The following CRPPA variants were observed in gnomAD, a reference collection of about 807,000 sequenced individuals.
CRPPA encodes the protein D-ribitol-5-phosphate cytidylyltransferase.
A neutral mutation model predicts 52.0 loss-of-function variants in CRPPA; 43 were observed. That is an observed-to-expected ratio of 0.83 (90% CI 0.65 to 1.07). CRPPA has a LOEUF of 1.07. Ranked by LOEUF, CRPPA falls within the 50% of genes least tolerant of loss-of-function variation. The probability of loss-of-function intolerance (pLI) is 0.00; values close to 1 mark genes in which losing one functional copy is unlikely to be tolerated. For synonymous variants in CRPPA, 250 were observed against 203.5 expected (o/e 1.23, Z -1.94); for missense variants, 629 against 551.7 (o/e 1.14, Z -1.40).
intron 3 of CRPPA, among the ~76,000 whole-genome samples, chr7:16,371,586 G>A (rs186711917): frequency 1.2e-3 from 186 of 151,522 alleles, no homozygotes; most frequent in Non-Finnish European, 2.4e-3. Context: ...AGAACAATTT[G>A]AAGAAATAGT....
chr7:16,343,136 C>G (rs1472905149), intron 3 of CRPPA, among the ~76,000 whole-genome samples: 1 of 151,922 alleles, frequency 6.6e-6, no homozygotes, highest in Admixed American at 6.6e-5. Context: ...GCAGAAATGG[C>G]TTAGTAAGCA....
intron 8 of CRPPA, among the ~76,000 whole-genome samples, chr7:16,236,950 GCA>G (rs67679435): frequency 1.1e-3 from 169 of 149,594 alleles, no homozygotes; most frequent in Non-Finnish European, 1.4e-3. Context: ...TCGTGCGCGC[GCA>G]CACACACACA....
chr7:16,373,432 A>G (rs1202485005), intron 3 of CRPPA, among the ~76,000 whole-genome samples: 3 of 152,246 alleles, frequency 2.0e-5, no homozygotes, highest in Non-Finnish European at 2.9e-5. Context: ...GAACAAATAT[A>G]TACTTGGTGT....
At chr7:16,249,399 C>T (rs1783376194) in intron 8 of CRPPA, among the ~76,000 whole-genome samples, 1 of 152,186 alleles carries the variant, frequency 6.6e-6, no homozygotes, top group Admixed American at 6.5e-5. Context: ...ACTGCCTGCT[C>T]AAGTGGGTCC....
At chr7:16,412,444 A>G (rs1267346292) in intron 1 of CRPPA, among the ~76,000 whole-genome samples, 1 of 152,202 alleles carries the variant, frequency 6.6e-6, no homozygotes, top group South Asian at 2.1e-4. Flanking sequence ...ACAGGTCAAA[A>G]AAAAGTTTGG....
At chr7:16,328,916 C>T (rs1207451296) in intron 3 of CRPPA, among the ~76,000 whole-genome samples, 6 of 152,108 alleles carry the variant, frequency 3.9e-5, no homozygotes, top group Non-Finnish European at 8.8e-5. Flanking sequence ...TATCAAATAA[C>T]AGCACACAGT....
At chr7:16,397,179 A>G (rs1787611299) in intron 2 of CRPPA, among the ~76,000 whole-genome samples, 1 of 152,270 alleles carries the variant, frequency 6.6e-6, no homozygotes, top group African/African-American at 2.4e-5. Flanking sequence ...GACACGACAC[A>G]TTATCAAAAC....
intron 9 of CRPPA, among the ~76,000 whole-genome samples, chr7:16,103,731 A>T (rs1209879524): frequency 1.3e-5 from 2 of 152,250 alleles, no homozygotes; most frequent in African/African-American, 4.8e-5. Flanking sequence ...CATAAATAGA[A>T]AGCTATATAC....
intron 3 of CRPPA, among the ~76,000 whole-genome samples, chr7:16,333,750 C>A (rs1379906039): frequency 6.6e-6 from 1 of 152,130 alleles, no homozygotes; most frequent in Admixed American, 6.5e-5. Context: ...GCTTCTCCCC[C>A]AATTTCACAA....
At chr7:16,286,097 A>AAAAAAAAATATATATATATATAT in intron 5 of CRPPA, among the ~76,000 whole-genome samples, 6 of 39,118 alleles carry the variant, frequency 1.5e-4, no homozygotes, top group Non-Finnish European at 1.2e-4. Flanking sequence ...TAAAAAAAAA[A>AAAAAAAAATATATATATATATAT]ATATATATAT....
intron 5 of CRPPA, among the ~76,000 whole-genome samples, chr7:16,290,273 T>A (rs948976368): frequency 2.6e-5 from 4 of 151,592 alleles, no homozygotes; most frequent in African/African-American, 9.7e-5. Flanking sequence ...ACCAATGATA[T>A]CCTTCACAGA....
chr7:16,309,630 C>T (rs945697310), intron 3 of CRPPA, among the ~76,000 whole-genome samples: 9 of 151,434 alleles, frequency 5.9e-5, no homozygotes, highest in Non-Finnish European at 1.3e-4. Context: ...TTTTTTGAGA[C>T]AGAGTTCTTG....
chr7:16,120,038 T>C (rs1481513951), intron 9 of CRPPA, among the ~76,000 whole-genome samples: 1 of 152,182 alleles, frequency 6.6e-6, no homozygotes, highest in Non-Finnish European at 1.5e-5. Flanking sequence ...AACAGACACA[T>C]TTTATAGAAA....
At chr7:16,359,338 T>C (rs1030156133) in intron 3 of CRPPA, among the ~76,000 whole-genome samples, 1 of 152,230 alleles carries the variant, frequency 6.6e-6, no homozygotes, top group Non-Finnish European at 1.5e-5. Flanking sequence ...GCATCATTAC[T>C]AGTACACATG....
intron 9 of CRPPA, among the ~76,000 whole-genome samples, chr7:16,141,927 A>G (rs1290766129): frequency 6.6e-6 from 1 of 152,154 alleles, no homozygotes; most frequent in Non-Finnish European, 1.5e-5. Flanking sequence ...ACACTGTCAT[A>G]GATGGCCCAC....
chr7:16,287,201 T>C (rs1369394526), intron 5 of CRPPA, among the ~76,000 whole-genome samples: 1 of 152,206 alleles, frequency 6.6e-6, no homozygotes, highest in Non-Finnish European at 1.5e-5. Context: ...GGCATAAAAT[T>C]GTCAACTTTA....
At chr7:16,213,729 A>G (rs932015694) in intron 9 of CRPPA, among the ~76,000 whole-genome samples, 2 of 150,008 alleles carry the variant, frequency 1.3e-5, no homozygotes, top group African/African-American at 2.5e-5. Flanking sequence ...AGCCTGGGCA[A>G]CAAGAGAAAA....
At chr7:16,217,821 T>C (rs1363735090) in intron 8 of CRPPA, among the ~76,000 whole-genome samples, 3 of 151,828 alleles carry the variant, frequency 2.0e-5, no homozygotes, top group Admixed American at 1.3e-4. Flanking sequence ...CTGATTGGTG[T>C]ACCTGAAAGT....
chr7:16,093,706 T>G (rs945577220), intron 9 of CRPPA, among the ~76,000 whole-genome samples: 2 of 152,204 alleles, frequency 1.3e-5, no homozygotes, highest in Non-Finnish European at 2.9e-5. Flanking sequence ...TAAAATATGA[T>G]TGATTTATAT....
Sources: allele counts gnomAD v4.1 joint callset (sites outside exome capture counted in the v4.1 genomes callset), GRCh38; gene constraint gnomAD v4.1.1; transcripts MANE v1.5; gene names NCBI Gene and HGNC (gene_info 2026-07-23, HGNC 2026-07-21).